The following PHF24 variants were observed in gnomAD, a reference collection of about 807,000 sequenced individuals.
PHF24 encodes PHD finger protein 24.
PHF24 carries 25 observed loss-of-function variants against 42.6 expected under a neutral mutation model. The ratio of observed to expected loss-of-function variants is 0.59; its 90% CI spans 0.43 to 0.82. The LOEUF is 0.82. PHF24 is among the 40% of genes least tolerant of loss of function. The pLI, the probability that PHF24 is intolerant of heterozygous loss-of-function variation, is 0.00. For synonymous variants in PHF24, 185 were observed against 204.8 expected (o/e 0.90, Z 0.83); for missense variants, 470 against 538.1 (o/e 0.87, Z 1.25).
chr9:34,786,358 G>A, the PHF24 span, among the ~76,000 whole-genome samples: 2 of 152,248 alleles, frequency 1.3e-5, no homozygotes, highest in East Asian at 3.9e-4. Context: ...GAAGAGCTAA[G>A]GAAGCTTCAC....
the PHF24 span, among the ~76,000 whole-genome samples, chr9:34,684,149 C>G: frequency 6.6e-6 from 1 of 152,224 alleles, no homozygotes; most frequent in South Asian, 2.1e-4. Flanking sequence ...GTTTATTTGC[C>G]TTTTGTTTTT....
chr9:34,880,764 T>C, the PHF24 span, among the ~76,000 whole-genome samples: 20 of 152,136 alleles, frequency 1.3e-4, no homozygotes, highest in Admixed American at 2.6e-4. Context: ...AATGGGAGGC[T>C]TTAACACCCC....
At chr9:34,777,443 A>T in the PHF24 span, among the ~76,000 whole-genome samples, 1 of 152,096 alleles carries the variant, frequency 6.6e-6, no homozygotes, top group Non-Finnish European at 1.5e-5. Context: ...GAGATCCCTT[A>T]GCCCCCAGAT....
the PHF24 span, among the ~76,000 whole-genome samples, chr9:34,823,697 G>T: frequency 6.6e-6 from 1 of 152,104 alleles, no homozygotes; most frequent in African/African-American, 2.4e-5. Context: ...GAAAAACTAG[G>T]TCAGAAAACA....
chr9:34,937,605 G>T, the PHF24 span, among the ~76,000 whole-genome samples: 33 of 146,020 alleles, frequency 2.3e-4, no homozygotes, highest in Middle Eastern at 3.6e-3. Context: ...CTGTGACCCT[G>T]CCAAATCCCC....
the PHF24 span, among the ~76,000 whole-genome samples, chr9:34,742,562 T>C: frequency 2.0e-5 from 3 of 152,162 alleles, no homozygotes; most frequent in African/African-American, 7.2e-5. Context: ...TCACCAAATG[T>C]GGTGTACCTA....
chr9:34,967,777 C>A (rs1826830748), intron 1 of PHF24, among the ~76,000 whole-genome samples: 1 of 152,216 alleles, frequency 6.6e-6, no homozygotes, highest in Admixed American at 6.5e-5. Flanking sequence ...CATATACATA[C>A]TCTTCTCTCC....
the PHF24 span, among the ~76,000 whole-genome samples, chr9:34,766,806 C>T: frequency 6.6e-6 from 1 of 152,162 alleles, no homozygotes; most frequent in African/African-American, 2.4e-5. Context: ...TTTTTCTGCT[C>T]TGTTTTTTTC....
At chr9:34,728,099 C>T in the PHF24 span, 6 of 1,551,182 alleles carry the variant, frequency 3.9e-6, no homozygotes, top group African/African-American at 1.4e-5. Flanking sequence ...AACGGGGAGA[C>T]AGTGTTATAT....
chr9:34,961,536 T>C (rs1268861945), intron 1 of PHF24, among the ~76,000 whole-genome samples: 2 of 152,220 alleles, frequency 1.3e-5, no homozygotes, highest in East Asian at 1.9e-4. Context: ...GGAGTTCACA[T>C]AGAATCAGTC....
chr9:34,800,749 T>C, the PHF24 span, among the ~76,000 whole-genome samples: 6,963 of 152,248 alleles, frequency 0.046, 516 homozygotes, highest in African/African-American at 0.16. Context: ...ATTCAGGACC[T>C]AGGCATGGGC....
chr9:34,894,761 T>G, the PHF24 span, among the ~76,000 whole-genome samples: 7 of 152,328 alleles, frequency 4.6e-5, no homozygotes, highest in East Asian at 1.3e-3. Context: ...TTGAAGAGAC[T>G]TCCACAGGTT....
At chr9:34,918,134 C>A in the PHF24 span, 6 of 1,544,526 alleles carry the variant, frequency 3.9e-6, no homozygotes, top group Non-Finnish European at 4.5e-6. Context: ...CCAATCGTAG[C>A]GCCAGCATAT....
chr9:34,672,982 A>T, the PHF24 span, among the ~76,000 whole-genome samples: 3 of 152,004 alleles, frequency 2.0e-5, no homozygotes, highest in African/African-American at 7.3e-5. Context: ...CCAGCCAGGG[A>T]TTAAATTTCA....
intron 6 of PHF24, 73 bp downstream of exon 6, chr9:34,977,316 A>G: frequency 6.7e-7 from 1 of 1,493,684 alleles, no homozygotes; most frequent in East Asian, 2.3e-5. Flanking sequence ...GCCCTTCCAT[A>G]CCTCCCTGCT....
At chr9:34,936,029 C>T in the PHF24 span, among the ~76,000 whole-genome samples, 9 of 140,342 alleles carry the variant, frequency 6.4e-5, no homozygotes, top group East Asian at 5.9e-4. Context: ...CTCCCTCTCC[C>T]GCTCCCGCTC....
At chr9:34,755,262 T>G in the PHF24 span, among the ~76,000 whole-genome samples, 1 of 152,206 alleles carries the variant, frequency 6.6e-6, no homozygotes, top group African/African-American at 2.4e-5. Flanking sequence ...GATACCCCAT[T>G]TATCCTGATG....
chr9:34,799,410 A>G, the PHF24 span, among the ~76,000 whole-genome samples: 11 of 152,350 alleles, frequency 7.2e-5, no homozygotes, highest in Admixed American at 2.0e-4. Flanking sequence ...AATAATGTAT[A>G]TAAATACTTA....
chr9:34,892,071 T>C, the PHF24 span, among the ~76,000 whole-genome samples: 1 of 152,154 alleles, frequency 6.6e-6, no homozygotes, highest in Non-Finnish European at 1.5e-5. Context: ...CAGGGATCTC[T>C]AAAGGCAGAC....
Sources: allele counts gnomAD v4.1 joint callset (sites outside exome capture counted in the v4.1 genomes callset), GRCh38; gene constraint gnomAD v4.1.1; transcripts MANE v1.5; gene names NCBI Gene and HGNC (gene_info 2026-07-23, HGNC 2026-07-21).